Variants in KDM5B observed in about 807,000 individuals in gnomAD.
KDM5B encodes lysine-specific demethylase 5B.
A neutral mutation model predicts 193.4 loss-of-function variants in KDM5B; 144 were observed. The observed-to-expected ratio is 0.74, with a 90% CI of 0.65 to 0.86. KDM5B has a LOEUF of 0.86. Among genes scored for constraint, KDM5B ranks in the 40% least tolerant of loss-of-function variants. The pLI, the probability that KDM5B is intolerant of heterozygous loss-of-function variation, is 0.00. For synonymous variants in KDM5B, 668 were observed against 682.6 expected, an observed-to-expected ratio of 0.98 and a Z score of 0.33; for missense variants, 1,833 against 1,886.9, an observed-to-expected ratio of 0.97 and a Z score of 0.53.
At chr1:202,755,219 T>C in intron 11 of KDM5B, 52 bp downstream of exon 11, 1 of 1,442,444 alleles carries the variant, frequency 6.9e-7, no homozygotes, top group Non-Finnish European at 9.7e-7. Flanking sequence ...AAAAGGAAAG[T>C]TTTCCTATCC....
chr1:202,766,385 A>G, intron 5 of KDM5B: 1 of 355,272 alleles, frequency 2.8e-6, no homozygotes, highest in South Asian at 2.1e-5. Flanking sequence ...ACACGCCTGT[A>G]GTCCCACCTA....
intron 1 of KDM5B, among the ~76,000 whole-genome samples, chr1:202,797,849 A>G (rs1380403835): frequency 6.6e-6 from 1 of 152,260 alleles, no homozygotes; most frequent in South Asian, 2.1e-4. Flanking sequence ...ATTTTCTGAA[A>G]TAATTTTTAA....
chr1:202,729,289 T>C, intron 26 of KDM5B, 116 bp from the exon 27 acceptor site: 1 of 1,104,032 alleles, frequency 9.1e-7, no homozygotes, highest in African/African-American at 1.5e-5. Flanking sequence ...GTCCCACCAC[T>C]GGGACCTCTG....
chr1:202,781,127 A>G (rs561486816), intron 1 of KDM5B, among the ~76,000 whole-genome samples: 36 of 152,234 alleles, frequency 2.4e-4, no homozygotes, highest in Non-Finnish European at 4.6e-4. Context: ...ACCAGTCTCT[A>G]TCCGTCTCTA....
intron 1 of KDM5B, chr1:202,796,280 C>T (rs566079046): frequency 8.6e-5 from 36 of 418,212 alleles, no homozygotes; most frequent in Admixed American, 7.0e-4. Flanking sequence ...TACCTATGAC[C>T]AAATGGTCCC....
At chr1:202,791,018 G>A (rs1402234862) in intron 1 of KDM5B, among the ~76,000 whole-genome samples, 1 of 152,178 alleles carries the variant, frequency 6.6e-6, no homozygotes, top group African/African-American at 2.4e-5. Context: ...ACTTTAAAGA[G>A]ATAAGGATGT....
Position 202,745,874 on chromosome 1 carries a change from C to G in KDM5B, c.2307G>C (p.Lys769Asn), listed in dbSNP as rs1655532480. The change falls in exon 16 of 27, where the codon AAG becomes AAC. Residue 769 changes from lysine to asparagine, a missense_variant. Around this residue, in one of 3 missense-constraint regions of KDM5B, gnomAD observed 1,379 missense variants for 1,349.6 expected, o/e 1.02. Transcript: ENST00000367265. ...ALNVNEALEAKINKKKSLVSF... is the reference protein window; with the variant it reads ...ALNVNEALEANINKKKSLVSF... ...ATCACATACTTTTCTTCTTGTTGAT[C>G]TTTGCCTCCAAAGCTTCATTCACAT... 2 of 1,614,018 alleles carry G rather than the reference C, an allele frequency of 1.2e-6. No homozygotes were observed. The highest frequency in any genetic ancestry group is 1.7e-6 in the Non-Finnish European group (2 of 1,179,922).
At chr1:202,780,482 G>T (rs112107263) in intron 1 of KDM5B, among the ~76,000 whole-genome samples, 3 of 151,952 alleles carry the variant, frequency 2.0e-5, no homozygotes, top group African/African-American at 4.8e-5. Flanking sequence ...GAGCCACTGC[G>T]CCTGGCCATG....
At chr1:202,802,675 C>T (rs112123395) in intron 1 of KDM5B, among the ~76,000 whole-genome samples, 13,112 of 151,618 alleles carry the variant, frequency 0.086, 696 homozygotes, top group African/African-American at 0.14. Flanking sequence ...ATTACAGGCA[C>T]GAGCCACTAT....
chr1:202,742,436 CTG>C lies in KDM5B; in HGVS notation c.2542_2543del (p.Gln848AlafsTer28). 1 of 1,614,118 alleles carries C rather than the reference CTG, an allele frequency of 6.2e-7. No homozygotes were observed. The highest frequency in any genetic ancestry group is 8.5e-7 in the Non-Finnish European group (1 of 1,180,026). On this transcript the variant is annotated frameshift_variant, in exon 18 of 27. Transcript: ENST00000367265. LOFTEE classifies it high-confidence loss of function. Reference protein sequence around the residue: ...TVNELRQFVTQLYALPCVLSQ... With the variant: ...TVNELRQFVTXLYALPCVLSQ... ...TGAGGACACATGGAAGAGCATACAG[CTG>C]TGTTACAAACTGCCGGAGCTCATTC...
intron 6 of KDM5B, 98 bp downstream of exon 6, chr1:202,763,951 A>T: frequency 1.3e-6 from 1 of 746,666 alleles, no homozygotes; most frequent in Non-Finnish European, 2.2e-6. Context: ...TTTACTTTTT[A>T]ATTTTTTTCT....
At position 202,766,914 on chromosome 1, in the gene KDM5B, T is replaced by TG; in HGVS notation, c.711+11dup. 6.4e-7 allele frequency: 1 copy of TG among 1,564,598 alleles called. No individual in the cohort carries two copies. The highest frequency in any genetic ancestry group is 8.6e-7 in the Non-Finnish European group (1 of 1,164,622). On this transcript the variant is annotated intron_variant, in intron 5 of 26. Coordinates refer to ENST00000367265, the MANE Select transcript of KDM5B (RefSeq NM_006618.5). The stretch of plus-strand genomic sequence containing the variant: ...GAGAATTCCTTTTAAATTAACCTCA[T>TG]GAGGCTCTTACCTCTGCTCTCATGC...
chr1:202,758,638 TATAAAA>T, intron 8 of KDM5B, 128 bp from the exon 9 acceptor site: 1 of 636,600 alleles, frequency 1.6e-6, no homozygotes, highest in Non-Finnish European at 2.4e-6. Flanking sequence ...AGGTCTACAT[TATAAAA>T]ATAAACCTGC....
At chr1:202,742,912 C>T in intron 16 of KDM5B, 107 bp from the exon 17 acceptor site, 1 of 919,170 alleles carries the variant, frequency 1.1e-6, no homozygotes, top group Non-Finnish European at 1.6e-6. Flanking sequence ...AGAAATGTAA[C>T]TTACAAATGT....
intron 1 of KDM5B, among the ~76,000 whole-genome samples, chr1:202,794,793 T>C (rs929848092): frequency 1.3e-5 from 2 of 152,242 alleles, no homozygotes; most frequent in Non-Finnish European, 2.9e-5. Flanking sequence ...AAACCATGGA[T>C]AGCAAATACT....
At chr1:202,792,530 TG>T (rs1321132429) in intron 1 of KDM5B, among the ~76,000 whole-genome samples, 2 of 152,176 alleles carry the variant, frequency 1.3e-5, no homozygotes, top group African/African-American at 2.4e-5. Context: ...TACATATAAA[TG>T]AGCCAACAAA....
chr1:202,761,688 A>ATTC (rs1656255669), intron 7 of KDM5B, among the ~76,000 whole-genome samples: 1 of 152,200 alleles, frequency 6.6e-6, no homozygotes, highest in Non-Finnish European at 1.5e-5. Flanking sequence ...ACCATGTGAA[A>ATTC]GACAGCCATC....
chr1:202,736,444 A>G, intron 20 of KDM5B, 52 bp from the exon 21 acceptor site: 1 of 1,383,864 alleles, frequency 7.2e-7, no homozygotes, highest in Non-Finnish European at 9.7e-7. Context: ...CACTTCTATG[A>G]AAAACAGGAA....
rs1264503691 is a variant in KDM5B, at chr1:202,752,982, A to T, written c.1624T>A (p.Phe542Ile). The change falls in exon 12 of 27, where the codon TTT becomes ATT. Residue 542 changes from phenylalanine (F) to isoleucine (I), a missense_variant. By Grantham distance (21) the Phe-to-Ile change is conservative. Around this residue, in one of 3 missense-constraint regions of KDM5B, gnomAD observed 1,379 missense variants for 1,349.6 expected, o/e 1.02. Transcript: ENST00000367265. ...TGGAGGAGATCCGGCTGGGACACAA[A>T]GAGTTCTGGAGCTAGTTTCTTCATT... ...NVMKKLAPEL[F>I]VSQPDLLHQL... The T allele has an allele frequency of 1.2e-6, 2 of 1,614,154 alleles. No individual in the cohort carries two copies.
Sources: gnomAD v4.1 joint callset for allele counts (sites outside exome capture counted in the v4.1 genomes callset) on GRCh38, gnomAD v4.1.1 for gene constraint, gnomAD v4.1.1 regional missense constraint, MANE v1.5 for transcripts, NCBI Gene and HGNC (gene_info 2026-07-23, HGNC 2026-07-21) for gene names.